IL1RAPL1: variants seen among roughly 807,000 people sequenced by gnomAD.
IL1RAPL1 encodes the protein interleukin-1 receptor accessory protein-like 1.
IL1RAPL1 carries 3 observed loss-of-function variants against 48.4 expected under a neutral mutation model. The ratio of observed to expected loss-of-function variants is 0.06; its 90% CI spans 0.03 to 0.16. The LOEUF (loss-of-function observed/expected upper bound fraction) is 0.16, where lower values mean the gene tolerates loss of function less well. IL1RAPL1 is among the 10% of genes least tolerant of loss of function. The pLI is 1.00. For missense variants in IL1RAPL1, 349 were observed against 530.6 expected, an observed-to-expected ratio of 0.66 and a Z score of 3.36; for synonymous variants, 185 against 187.7, an observed-to-expected ratio of 0.99 and a Z score of 0.12.
Position 29,187,822 on chromosome X carries a change from C to T in IL1RAPL1, c.83-95116C>T, listed in dbSNP as rs751345834. ...GCTTTAACTGTTATTTAGATTCCAC[C>T]ATGCTGCCATAGGAGAGACTCTAGC... On this transcript the variant is annotated intron_variant, in intron 2 of 10. Coordinates refer to ENST00000378993, the MANE Select transcript of IL1RAPL1 (RefSeq NM_014271.4). Among the ~76,000 whole-genome samples, 14 of 111,421 alleles carry T rather than the reference C, an allele frequency of 1.3e-4. No individual in the cohort carries two copies. In the East Asian group the frequency reaches 2.5e-3, roughly 20 times the overall value.
At chrX:29,803,130 T>C (rs745590611) in intron 6 of IL1RAPL1, among the ~76,000 whole-genome samples, 5 of 87,987 alleles carry the variant, frequency 5.7e-5, no homozygotes, top group Non-Finnish European at 8.5e-5. Flanking sequence ...TGTATACATG[T>C]ATGCATATAT....
chrX:29,377,873 C>G (rs976296638), intron 3 of IL1RAPL1, among the ~76,000 whole-genome samples: 1 of 110,681 alleles, frequency 9.0e-6, no homozygotes, highest in African/African-American at 3.3e-5. Context: ...AGCTGGAGTT[C>G]CTTGTATTTC....
intron 5 of IL1RAPL1, among the ~76,000 whole-genome samples, chrX:29,408,778 G>A (rs1934106079): frequency 8.9e-6 from 1 of 111,967 alleles, no homozygotes; most frequent in Admixed American, 9.5e-5. Flanking sequence ...GCAAAGAAAG[G>A]TTAAGTGGCT....
chrX:29,051,606 T>G (rs960987698), intron 2 of IL1RAPL1, among the ~76,000 whole-genome samples: 3 of 112,271 alleles, frequency 2.7e-5, no homozygotes, highest in Non-Finnish European at 5.6e-5. Context: ...AGTGTCTTCA[T>G]TGGGCAGGGT....
chrX:29,672,774 G>A (rs1458797587), intron 6 of IL1RAPL1, among the ~76,000 whole-genome samples: 8 of 111,821 alleles, frequency 7.2e-5, no homozygotes, highest in Non-Finnish European at 1.5e-4. Flanking sequence ...AGAATATAAT[G>A]TGTAGACTGA....
Position 29,386,543 on chromosome X carries a change from ATT to A in IL1RAPL1, c.363-9698_363-9697del, listed in dbSNP as rs34017097. Among the ~76,000 whole-genome samples, 552 of 86,469 alleles carry A rather than the reference ATT, an allele frequency of 6.4e-3. 5 individuals are homozygous for A. The highest frequency in any genetic ancestry group is 0.018 in the African/African-American group (419 of 23,482). 75.1% of individuals were successfully genotyped at this position (86,469 alleles called of 115,157 possible). A position where few individuals can be genotyped will look rare whatever the true frequency, so the allele number is the denominator to read the frequency against. ...ATGTGTTGTATTGACTGAGTGAATG[ATT>A]TTTTTTTTTTTTTTTTGAGACAGGG... On this transcript the variant is annotated intron_variant, in intron 3 of 10. Coordinates refer to ENST00000378993, the MANE Select transcript of IL1RAPL1 (RefSeq NM_014271.4).
At chrX:28,987,125 T>A (rs1234590801) in intron 2 of IL1RAPL1, among the ~76,000 whole-genome samples, 2 of 112,475 alleles carry the variant, frequency 1.8e-5, no homozygotes, top group Non-Finnish European at 3.8e-5. Flanking sequence ...GAGTTTTTTG[T>A]TAAGAGTCTG....
intron 2 of IL1RAPL1, among the ~76,000 whole-genome samples, chrX:28,987,272 G>A (rs946088515): frequency 8.9e-6 from 1 of 112,258 alleles, no homozygotes; most frequent in African/African-American, 3.2e-5. Context: ...CATGCTGTGT[G>A]GGAAAATTAT....
intron 6 of IL1RAPL1, among the ~76,000 whole-genome samples, chrX:29,830,686 C>T (rs1251101972): frequency 1.8e-5 from 2 of 110,833 alleles, no homozygotes; most frequent in Non-Finnish European, 3.8e-5. Context: ...CTCCTGGCCT[C>T]AAGTGATCCA....
intron 5 of IL1RAPL1, among the ~76,000 whole-genome samples, chrX:29,494,084 G>A (rs1406111541): frequency 9.3e-6 from 1 of 107,781 alleles, no homozygotes; most frequent in African/African-American, 3.4e-5. Context: ...TTTTTTTTTA[G>A]TGGAGACGGG....
chrX:29,356,629 T>C (rs193092090), intron 3 of IL1RAPL1, among the ~76,000 whole-genome samples: 69 of 110,840 alleles, frequency 6.2e-4, no homozygotes, highest in Middle Eastern at 4.6e-3. Flanking sequence ...TGGTTCTCCA[T>C]AGTGGGCATC....
intron 2 of IL1RAPL1, among the ~76,000 whole-genome samples, chrX:29,083,749 A>G: frequency 8.9e-6 from 1 of 112,214 alleles, no homozygotes; most frequent in South Asian, 3.7e-4. Flanking sequence ...AATACTAAAG[A>G]AAATAAAAAC....
chrX:29,738,542 C>G (rs987388901), intron 6 of IL1RAPL1, among the ~76,000 whole-genome samples: 5 of 104,107 alleles, frequency 4.8e-5, no homozygotes, highest in Non-Finnish European at 9.7e-5. Context: ...ATTTCCTGGG[C>G]ACAAGCAATC....
Position 28,792,844 on chromosome X carries a change from TATATATAA to T in IL1RAPL1, c.82+3421_82+3428del, listed in dbSNP as rs1455145209. 5.0e-3 allele frequency among the ~76,000 whole-genome samples: 296 copies of T among 59,428 alleles called. 13 individuals carry two copies. Among genetic ancestry groups the T allele is most frequent in the African/African-American group, 0.021 (242 of 11,489 alleles). The allele number at this position is 59,428 out of a possible 115,157, so 51.6% of individuals were successfully genotyped here. On this transcript the variant is annotated intron_variant, in intron 2 of 10. Coordinates refer to ENST00000378993, the MANE Select transcript of IL1RAPL1 (RefSeq NM_014271.4). ...ATATATATATATATATATATATATA[TATATATAA>T]AAAATAAGGCAATTATATCATTATA...
In IL1RAPL1 at chrX:28,833,472, C is replaced by T. The variant is rs920831368; in HGVS notation, c.82+44047C>T. ...TGTAAGTGTTCATTTTTCTTTGCAA[C>T]CTTGCCAACATGTGTTCTTTCTTGA... On this transcript the variant is annotated intron_variant, in intron 2 of 10. Coordinates refer to ENST00000378993, the MANE Select transcript of IL1RAPL1 (RefSeq NM_014271.4). 2.7e-5 allele frequency among the ~76,000 whole-genome samples: 3 copies of T among 111,748 alleles called. No individual in the cohort carries two copies. The Admixed American group carries it at 2.9e-4, about 11-fold the overall frequency.
At chrX:29,086,626 C>T (rs1266422682) in intron 2 of IL1RAPL1, among the ~76,000 whole-genome samples, 1 of 111,802 alleles carries the variant, frequency 8.9e-6, no homozygotes, top group Non-Finnish European at 1.9e-5. Flanking sequence ...ATCATAACTT[C>T]ATTTTTTGTA....
intron 1 of IL1RAPL1, among the ~76,000 whole-genome samples, chrX:28,768,945 A>G (rs1211130255): frequency 1.9e-5 from 2 of 106,000 alleles, no homozygotes; most frequent in African/African-American, 6.8e-5. Context: ...TTAGCCCTAC[A>G]AAGTATTAAA....
intron 2 of IL1RAPL1, among the ~76,000 whole-genome samples, chrX:28,854,523 A>C (rs768884262): frequency 2.7e-5 from 3 of 111,552 alleles, no homozygotes; most frequent in Non-Finnish European, 5.7e-5. Flanking sequence ...CTAGGCATAG[A>C]TATCAGAGTT....
intron 5 of IL1RAPL1, among the ~76,000 whole-genome samples, chrX:29,545,018 G>C (rs1921570047): frequency 9.1e-6 from 1 of 110,451 alleles, no homozygotes; most frequent in African/African-American, 3.3e-5. Context: ...AGACACAACA[G>C]AAAGGGGACC....
Sources: allele counts gnomAD v4.1 joint callset (sites outside exome capture counted in the v4.1 genomes callset), GRCh38; gene constraint gnomAD v4.1.1; transcripts MANE v1.5; gene names NCBI Gene and HGNC (gene_info 2026-07-23, HGNC 2026-07-21).